Variants in TMCO4 observed in about 807,000 individuals in gnomAD.
TMCO4 encodes transmembrane and coiled-coil domains 4, also known as transmembrane and coiled-coil domain-containing protein 4.
In TMCO4, 58 loss-of-function variants were observed where a neutral mutation model predicts 64.7. The observed-to-expected ratio is 0.90, with a 90% CI of 0.73 to 1.12. The LOEUF (loss-of-function observed/expected upper bound fraction) is 1.12. TMCO4 is among the 50% of genes most tolerant of loss of function. The pLI is 0.00. For missense variants in TMCO4, 780 were observed against 825.9 expected (o/e 0.94, Z 0.68); for synonymous variants, 325 against 346.1 (o/e 0.94, Z 0.68).
intron 13 of TMCO4, among the ~76,000 whole-genome samples, chr1:19,722,931 C>T (rs1329790226): frequency 2.0e-5 from 3 of 152,110 alleles, no homozygotes; most frequent in Non-Finnish European, 4.4e-5. Flanking sequence ...CCTCCTATTG[C>T]TCCTATGGGA....
chr1:19,744,327 A>G, intron 10 of TMCO4, among the ~76,000 whole-genome samples: 1 of 152,210 alleles, frequency 6.6e-6, no homozygotes, highest in East Asian at 1.9e-4. Context: ...TTCAAATGAG[A>G]ACAGCAAAGG....
chr1:19,798,817 T>C (rs2044461182), intron 1 of TMCO4, among the ~76,000 whole-genome samples: 1 of 152,264 alleles, frequency 6.6e-6, no homozygotes, highest in African/African-American at 2.4e-5. Flanking sequence ...TTCACTGCTG[T>C]ATCCTCGTTG....
chr1:19,797,861 CA>C (rs554180355), intron 2 of TMCO4, among the ~76,000 whole-genome samples: 3,244 of 44,242 alleles, frequency 0.073, 128 homozygotes, highest in African/African-American at 0.23. Context: ...GAGACTCTGT[CA>C]AAAAAAAAAA....
At position 19,746,588 on chromosome 1, in the gene TMCO4, C is replaced by A; in HGVS notation, c.625G>T (p.Gly209Cys). Residue 209 changes from glycine (G) to cysteine (C), a missense_variant, in exon 9 of 16, where the codon GGT becomes TGT. Gly to Cys is a radical substitution (Grantham distance 159). Transcript: ENST00000294543. ...GGGTVIGVTG[G>C]LAAPLVAAGA... Reference sequence around the variant, plus strand: ...GCGGCAACAAGGGGTGCAGCTAGACCTCCAGTCACACCTGTGGGAAAAGCA... The same window carrying A: ...GCGGCAACAAGGGGTGCAGCTAGACATCCAGTCACACCTGTGGGAAAAGCA... The A allele has an allele frequency of 1.9e-6, 3 of 1,609,572 alleles. No individual in the cohort carries two copies. Among genetic ancestry groups the A allele is most frequent in the Non-Finnish European group, 2.5e-6 (3 of 1,177,458 alleles).
intron 14 of TMCO4, among the ~76,000 whole-genome samples, chr1:19,695,349 C>G (rs1478999491): frequency 1.3e-5 from 2 of 152,208 alleles, no homozygotes; most frequent in African/African-American, 4.8e-5. Flanking sequence ...CCTCGCAAAC[C>G]CTTGAACTGT....
At chr1:19,689,633 T>C (rs1470428151) in intron 15 of TMCO4, among the ~76,000 whole-genome samples, 3 of 152,272 alleles carry the variant, frequency 2.0e-5, no homozygotes, top group Non-Finnish European at 4.4e-5. Flanking sequence ...GGCTGTGCTC[T>C]TCCTACCATA....
intron 13 of TMCO4, among the ~76,000 whole-genome samples, chr1:19,707,213 G>T (rs564828459): frequency 6.6e-6 from 1 of 152,334 alleles, no homozygotes; most frequent in African/African-American, 2.4e-5. Context: ...AATGTGATGT[G>T]GGGCCTGGTG....
rs2042216311 is a variant in TMCO4 at position 19,755,636 on chromosome 1, A to C, written c.513T>G (p.Ser171=). 4.3e-6 allele frequency: 7 copies of C among 1,614,022 alleles called. No homozygotes were observed. The highest frequency in any genetic ancestry group is 5.9e-6 in the Non-Finnish European group (7 of 1,179,946). ...ESLKEIKEEE[S]EMAEASRKKK... Reference sequence around the variant, plus strand: ...TGGGGGTCGCGGGGCTCTCTTACTCAGATTCCTCTTCTTTGATTTCCTTCA... The same window carrying C: ...TGGGGGTCGCGGGGCTCTCTTACTCCGATTCCTCTTCTTTGATTTCCTTCA... Residue 171 remains serine, a splice_region_variant and synonymous_variant, in exon 7 of 16, where the codon TCT becomes TCG. Coordinates refer to ENST00000294543, the MANE Select transcript of TMCO4 (RefSeq NM_181719.7).
chr1:19,745,744 G>C (rs1426015453), intron 9 of TMCO4, 93 bp from the exon 10 acceptor site: 2 of 1,472,542 alleles, frequency 1.4e-6, no homozygotes, highest in African/African-American at 2.8e-5. Flanking sequence ...CACACAGTGA[G>C]CACCATCTGT....
chr1:19,791,950 G>T (rs1312928278), intron 2 of TMCO4, among the ~76,000 whole-genome samples: 3 of 152,174 alleles, frequency 2.0e-5, no homozygotes, highest in Non-Finnish European at 4.4e-5. Flanking sequence ...AATCATGGGG[G>T]TGAGTCTTTC....
intron 13 of TMCO4, among the ~76,000 whole-genome samples, chr1:19,729,319 TG>T (rs1178540396): frequency 6.6e-6 from 1 of 151,872 alleles, no homozygotes; most frequent in Admixed American, 6.6e-5. Flanking sequence ...GGCTAATTTT[TG>T]TATTTTTAGT....
chr1:19,789,512 T>C (rs1339631785), intron 2 of TMCO4, among the ~76,000 whole-genome samples: 1 of 152,222 alleles, frequency 6.6e-6, no homozygotes, highest in Non-Finnish European at 1.5e-5. Context: ...TTGGTGGGGC[T>C]AAGGGACTAG....
intron 6 of TMCO4, among the ~76,000 whole-genome samples, chr1:19,766,649 C>T (rs549071219): frequency 2.9e-4 from 44 of 152,288 alleles, no homozygotes; most frequent in Middle Eastern, 6.8e-3. Context: ...TAATCCTCAC[C>T]GCCACCCTAC....
intron 12 of TMCO4, 112 bp downstream of exon 12, chr1:19,739,712 C>T: frequency 6.7e-7 from 1 of 1,484,068 alleles, no homozygotes; most frequent in Non-Finnish European, 9.0e-7. Context: ...ACCCCCAAAA[C>T]CATTGAGTTA....
At chr1:19,777,751 T>A (rs1163669131) in intron 4 of TMCO4, among the ~76,000 whole-genome samples, 2 of 152,240 alleles carry the variant, frequency 1.3e-5, no homozygotes, top group Non-Finnish European at 2.9e-5. Flanking sequence ...AGTACTGTGT[T>A]CTATTACTTG....
At chr1:19,793,954 G>A (rs890009508) in intron 2 of TMCO4, among the ~76,000 whole-genome samples, 1 of 152,000 alleles carries the variant, frequency 6.6e-6, no homozygotes, top group African/African-American at 2.4e-5. Context: ...CCCTTCCTCT[G>A]CTCCAAACCC....
chr1:19,707,024 C>T (rs888420907), intron 13 of TMCO4, among the ~76,000 whole-genome samples: 2 of 152,174 alleles, frequency 1.3e-5, no homozygotes, highest in Non-Finnish European at 2.9e-5. Context: ...ATCATGTCAC[C>T]TTTGTGCTTA....
intron 7 of TMCO4, 30 bp from the exon 8 acceptor site, chr1:19,747,290 CA>C (rs1289400053): frequency 6.3e-7 from 1 of 1,588,374 alleles, no homozygotes; most frequent in African/African-American, 1.3e-5. Flanking sequence ...TCTTTAGGGC[CA>C]GCTGTGCCCA....
chr1:19,797,963 GAAAAGAAAAGAAAAGAAA>G (rs2044409531), intron 2 of TMCO4, 156 bp downstream of exon 2: 1 of 50,830 alleles, frequency 2.0e-5, no homozygotes, highest in African/African-American at 7.8e-5. Flanking sequence ...AGAGAGAAAA[GAAAAGAAAAGAAAAGAAA>G]AGAAAAGAAA....
Sources: gnomAD v4.1 joint callset for allele counts (sites outside exome capture counted in the v4.1 genomes callset) on GRCh38, gnomAD v4.1.1 for gene constraint, MANE v1.5 for transcripts, NCBI Gene and HGNC (gene_info 2026-07-23, HGNC 2026-07-21) for gene names.